The following LRRK2 variants were observed in gnomAD, a reference collection of about 807,000 sequenced individuals.
LRRK2 encodes the protein leucine rich repeat kinase 2.
A neutral mutation model predicts 302.6 loss-of-function variants in LRRK2; 203 were observed. That is an observed-to-expected ratio of 0.67 (90% CI 0.60 to 0.75). The LOEUF is 0.75. Ranked by LOEUF, LRRK2 falls within the 30% of genes least tolerant of loss-of-function variation. The pLI is 0.00. For missense variants in LRRK2, 2,830 were observed against 2,951.0 expected (o/e 0.96, Z 0.95); for synonymous variants, 1,066 against 1,031.9 (o/e 1.03, Z -0.63).
At chr12:40,261,349 G>A (rs1467585447) in intron 13 of LRRK2, among the ~76,000 whole-genome samples, 1 of 152,088 alleles carries the variant, frequency 6.6e-6, no homozygotes, top group East Asian at 1.9e-4. Context: ...TAGTCCAAAA[G>A]CAAGTTTTGA....
Position 40,235,623 on chromosome 12 carries a change from C to T in LRRK2, c.348-3C>T. On this transcript the variant is annotated splice_polypyrimidine_tract_variant and splice_region_variant and intron_variant, in intron 3 of 50. Transcript: ENST00000298910. Reference sequence around the variant, plus strand: ...TTATCTTGATTTCTGTTTTTAACTCCAGATTGATTCTTAAAATGCTAACAG... The same window carrying T: ...TTATCTTGATTTCTGTTTTTAACTCTAGATTGATTCTTAAAATGCTAACAG... The T allele has an allele frequency of 6.3e-7, 1 of 1,584,618 alleles. No homozygotes were observed. Among genetic ancestry groups the T allele is most frequent in the Non-Finnish European group, 8.7e-7 (1 of 1,153,368 alleles).
chr12:40,342,015 C>T (rs756175532), intron 41 of LRRK2, among the ~76,000 whole-genome samples: 4 of 152,198 alleles, frequency 2.6e-5, no homozygotes, highest in Non-Finnish European at 4.4e-5. Flanking sequence ...AAGATCTGCT[C>T]ATTTTTGTCA....
At chr12:40,235,799 T>TTC (rs1555173382) in intron 4 of LRRK2, 85 bp downstream of exon 4, 4 of 741,134 alleles carry the variant, frequency 5.4e-6, no homozygotes, top group Non-Finnish European at 8.8e-6. Flanking sequence ...GTGTGTTTTT[T>TTC]TTTTTTTTTT....
chr12:40,309,082 A>C (rs200002575), intron 29 of LRRK2, 24 bp from the exon 30 acceptor site: 18 of 1,611,970 alleles, frequency 1.1e-5, no homozygotes, highest in Non-Finnish European at 1.4e-5. Flanking sequence ...AGATTAAAAA[A>C]ATTTGTCTCT....
At position 40,328,546 on chromosome 12, in the gene LRRK2, A is replaced by G. The variant is rs566505555; in HGVS notation, c.5757+86A>G. Reference sequence around the variant, plus strand: ...ATTTTGCATACAGTTGTGAAAATGCAAAATAATGACCACATTTCTACTTAA... The same window carrying G: ...ATTTTGCATACAGTTGTGAAAATGCGAAATAATGACCACATTTCTACTTAA... On this transcript the variant is annotated intron_variant, in intron 39 of 50. Transcript: ENST00000298910. 95 of 998,440 alleles carry G rather than the reference A, an allele frequency of 9.5e-5. 1 individual carries two copies. In the East Asian group the frequency reaches 1.5e-3, roughly 16 times the overall value. 61.8% of individuals were successfully genotyped at this position (998,440 alleles called of 1,614,324 possible). A position where few individuals can be genotyped will look rare whatever the true frequency, so the allele number is the denominator to read the frequency against.
Position 40,225,087 on chromosome 12 carries a change from G to A in LRRK2, c.-45G>A, listed in dbSNP as rs976169203. ...CGCCCCTGCCGGTTCCCTGAGCAGCGGACGTTCATGCTGGGAGGGCGGCGG... is the reference window on the plus strand; with the variant it reads ...CGCCCCTGCCGGTTCCCTGAGCAGCAGACGTTCATGCTGGGAGGGCGGCGG... On this transcript the variant is annotated 5_prime_UTR_variant, in exon 1 of 51. Coordinates refer to ENST00000298910, the MANE Select transcript of LRRK2 (RefSeq NM_198578.4). The A allele has an allele frequency of 6.2e-6, 10 of 1,611,310 alleles. No homozygotes were observed. The highest frequency in any genetic ancestry group is 1.3e-5 in the African/African-American group (1 of 74,838).
At chr12:40,295,926 C>T (rs1402960554) in intron 23 of LRRK2, among the ~76,000 whole-genome samples, 1 of 152,096 alleles carries the variant, frequency 6.6e-6, no homozygotes, top group Non-Finnish European at 1.5e-5. Context: ...ATACTTTAAT[C>T]ATTTAATTCA....
intron 47 of LRRK2, among the ~76,000 whole-genome samples, chr12:40,361,865 A>G (rs1395933733): frequency 6.6e-6 from 1 of 152,024 alleles, no homozygotes; most frequent in Non-Finnish European, 1.5e-5. Flanking sequence ...CATCATCAGT[A>G]CACACCGACT....
At chr12:40,346,187 C>CT (rs10715758) in intron 41 of LRRK2, among the ~76,000 whole-genome samples, 38 of 150,960 alleles carry the variant, frequency 2.5e-4, no homozygotes, top group African/African-American at 7.1e-4. Flanking sequence ...AGAGAGAAGG[C>CT]TTTTTTTTTT....
chr12:40,359,827 A>T (rs1036632169), intron 47 of LRRK2, among the ~76,000 whole-genome samples: 3 of 152,176 alleles, frequency 2.0e-5, no homozygotes, highest in Non-Finnish European at 4.4e-5. Flanking sequence ...AACTTCCATT[A>T]AGTATTGATT....
chr12:40,274,959 A>C lies in LRRK2; in HGVS notation c.1907A>C (p.Tyr636Ser). Residue 636 changes from tyrosine (Y) to serine (S), a missense_variant, in exon 16 of 51, where the codon TAC becomes TCC. Coordinates refer to ENST00000298910, the MANE Select transcript of LRRK2 (RefSeq NM_198578.4). ...LLAKILVSSL[Y>S]RFKDVAEIQT... is the part of the protein sequence containing the mutation. ...GCAAAAATTCTGGTTTCCAGCTTAT[A>C]CCGATTTAAGGATGTTGCTGAAATA... 1.9e-6 allele frequency: 3 copies of C among 1,613,976 alleles called. No homozygotes were observed. Among genetic ancestry groups the C allele is most frequent in the Non-Finnish European group, 2.5e-6 (3 of 1,179,916 alleles).
chr12:40,268,196 A>T (rs563379130), intron 14 of LRRK2, among the ~76,000 whole-genome samples: 1 of 152,298 alleles, frequency 6.6e-6, no homozygotes, highest in African/African-American at 2.4e-5. Context: ...AAAATGGAAA[A>T]TAAACTCTGC....
intron 21 of LRRK2, among the ~76,000 whole-genome samples, chr12:40,294,462 A>AAATG (rs1406581343): frequency 6.6e-6 from 1 of 152,096 alleles, no homozygotes; most frequent in Non-Finnish European, 1.5e-5. Flanking sequence ...AAGATGGGTG[A>AAATG]AATGAATGAC....
rs1367202486 is a variant in LRRK2, at chr12:40,364,848, A to C, written c.7188A>C (p.Val2396=). The change falls in exon 49 of 51, where the codon GTA becomes GTC. Residue 2396 remains valine, a synonymous_variant. Coordinates refer to ENST00000298910, the MANE Select transcript of LRRK2 (RefSeq NM_198578.4). The part of the protein sequence containing the change: ...LIDCVHFLRE[V]MVKENKESKH... ...GTATACTTTATGGTTCTAGGGAGGT[A>C]ATGGTAAAAGAAAACAAGGAATCAA... 1 of 1,608,812 alleles carries C rather than the reference A, an allele frequency of 6.2e-7. No individual in the cohort carries two copies. Among genetic ancestry groups the C allele is most frequent in the Non-Finnish European group, 8.5e-7 (1 of 1,176,120 alleles).
intron 11 of LRRK2, among the ~76,000 whole-genome samples, chr12:40,255,364 T>C (rs1212097412): frequency 1.3e-5 from 2 of 152,192 alleles, no homozygotes; most frequent in African/African-American, 2.4e-5. Flanking sequence ...TTTTTGCCTC[T>C]GAAAGCAGTT....
At chr12:40,299,359 GT>G (rs1944532801) in intron 25 of LRRK2, 102 bp downstream of exon 25, 1 of 1,261,992 alleles carries the variant, frequency 7.9e-7, no homozygotes, top group African/African-American at 1.5e-5. Flanking sequence ...TGGCATTTCA[GT>G]TTAAATATTA....
intron 47 of LRRK2, among the ~76,000 whole-genome samples, chr12:40,360,186 C>G (rs1946661808): frequency 6.6e-6 from 1 of 152,026 alleles, no homozygotes; most frequent in Non-Finnish European, 1.5e-5. Flanking sequence ...GTAATATTCT[C>G]TATCTCAAAG....
At chr12:40,276,250 A>G (rs1441968857) in intron 16 of LRRK2, among the ~76,000 whole-genome samples, 1 of 152,160 alleles carries the variant, frequency 6.6e-6, no homozygotes, top group Non-Finnish European at 1.5e-5. Context: ...AGTAGAGTTT[A>G]TGAACTAAAT....
chr12:40,243,819 TAAATTA>T, intron 7 of LRRK2, 138 bp downstream of exon 7: 2 of 892,286 alleles, frequency 2.2e-6, no homozygotes, highest in Non-Finnish European at 1.7e-6. Context: ...CCAGAAAAAA[TAAATTA>T]AAACAAAAAG....
Sources: gnomAD v4.1 joint callset for allele counts (sites outside exome capture counted in the v4.1 genomes callset) on GRCh38, gnomAD v4.1.1 for gene constraint, MANE v1.5 for transcripts, NCBI Gene and HGNC (gene_info 2026-07-23, HGNC 2026-07-21) for gene names.